The following CDC14A variants were observed in gnomAD, a reference collection of about 807,000 sequenced individuals.
CDC14A encodes cell division cycle 14A.
In CDC14A, 53 loss-of-function variants were observed where a neutral mutation model predicts 74.4. That is an observed-to-expected ratio of 0.71 (90% CI 0.57 to 0.89). The LOEUF (loss-of-function observed/expected upper bound fraction) is 0.89, where lower values mean the gene tolerates loss of function less well. Among genes scored for constraint, CDC14A ranks in the 40% least tolerant of loss-of-function variants. The pLI, the probability that CDC14A is intolerant of heterozygous loss-of-function variation, is 0.00. For missense variants in CDC14A, 646 were observed against 713.7 expected (o/e 0.91, Z 1.08); for synonymous variants, 247 against 258.4 (o/e 0.96, Z 0.43).
chr1:100,391,140 G>A, intron 4 of CDC14A: 2 of 361,082 alleles, frequency 5.5e-6, no homozygotes, highest in Non-Finnish European at 5.3e-6. Flanking sequence ...GTGTGCATGT[G>A]TGTATGTTTA....
intron 4 of CDC14A, chr1:100,393,726 C>A: frequency 4.4e-5 from 16 of 367,700 alleles, no homozygotes; most frequent in Middle Eastern, 9.6e-4. Flanking sequence ...GAGGCTGAGG[C>A]GGGCGGATCA....
chr1:100,352,832 C>A lies in CDC14A; in HGVS notation c.-123C>A. The A allele has an allele frequency of 6.6e-7, 1 of 1,511,178 alleles. No homozygotes were observed. The highest frequency in any genetic ancestry group is 2.5e-5 in the East Asian group (1 of 40,632). 93.6% of individuals were successfully genotyped at this position (1,511,178 alleles called of 1,614,324 possible). A position where few individuals can be genotyped will look rare whatever the true frequency, so the allele number is the denominator to read the frequency against. ...TCCGCCTTCGGCGCCTGCTGCCTCC[C>A]TCGGCCAGGCTTGTTGTTCGGGACT... On this transcript the variant is annotated 5_prime_UTR_variant, in exon 1 of 16. Transcript: ENST00000336454.
At chr1:100,460,174 T>C (rs1395404034) in intron 8 of CDC14A, among the ~76,000 whole-genome samples, 1 of 152,344 alleles carries the variant, frequency 6.6e-6, no homozygotes, top group East Asian at 1.9e-4. Flanking sequence ...ATATAGTAAG[T>C]GCTTGATAAA....
chr1:100,467,590 C>T (rs1667970729), intron 9 of CDC14A, among the ~76,000 whole-genome samples: 1 of 152,008 alleles, frequency 6.6e-6, no homozygotes, highest in African/African-American at 2.4e-5. Flanking sequence ...TGCAGTTGCT[C>T]ACCCTCATCC....
At chr1:100,496,507 C>T (rs956998549) in intron 13 of CDC14A, among the ~76,000 whole-genome samples, 1 of 152,150 alleles carries the variant, frequency 6.6e-6, no homozygotes, top group Non-Finnish European at 1.5e-5. Context: ...TAGTTTTGTT[C>T]TGTGGAAAAA....
chr1:100,513,566 C>T (rs1649961578), intron 15 of CDC14A, among the ~76,000 whole-genome samples: 1 of 152,144 alleles, frequency 6.6e-6, no homozygotes. Flanking sequence ...GACATCGTTA[C>T]ATTCATTTGC....
chr1:100,451,706 T>C (rs1231272396), intron 7 of CDC14A, among the ~76,000 whole-genome samples: 1 of 152,224 alleles, frequency 6.6e-6, no homozygotes, highest in Non-Finnish European at 1.5e-5. Flanking sequence ...TACATACTTT[T>C]AGTATCGCAT....
intron 4 of CDC14A, among the ~76,000 whole-genome samples, chr1:100,416,213 TC>T (rs1381358760): frequency 6.6e-6 from 1 of 152,220 alleles, no homozygotes; most frequent in Non-Finnish European, 1.5e-5. Flanking sequence ...TGTGGTTCAT[TC>T]TTTGCAGGTA....
chr1:100,429,745 T>TTA (rs35770223), intron 5 of CDC14A, among the ~76,000 whole-genome samples: 2 of 144,330 alleles, frequency 1.4e-5, no homozygotes, highest in South Asian at 2.1e-4. Flanking sequence ...TCAAGTATAT[T>TTA]TATATATATA....
chr1:100,495,203 G>C (rs1647601619), intron 12 of CDC14A, among the ~76,000 whole-genome samples: 1 of 152,182 alleles, frequency 6.6e-6, no homozygotes, highest in Non-Finnish European at 1.5e-5. Context: ...ATTCTGTTTG[G>C]ATTTCTCCCC....
chr1:100,431,853 AAAG>A (rs942698565), intron 5 of CDC14A, among the ~76,000 whole-genome samples: 5 of 151,860 alleles, frequency 3.3e-5, no homozygotes, highest in Admixed American at 2.0e-4. Flanking sequence ...AAAAAAAAAA[AAAG>A]AATAGAAAAA....
chr1:100,388,514 T>C (rs1657187062), intron 3 of CDC14A, among the ~76,000 whole-genome samples: 1 of 152,216 alleles, frequency 6.6e-6, no homozygotes, highest in Non-Finnish European at 1.5e-5. Flanking sequence ...CTCTCTTTAT[T>C]TCATAGGAGT....
At chr1:100,391,251 T>C (rs1657663952) in intron 4 of CDC14A, among the ~76,000 whole-genome samples, 1 of 152,236 alleles carries the variant, frequency 6.6e-6, no homozygotes, top group African/African-American at 2.4e-5. Flanking sequence ...GGATTGTTAT[T>C]ATTTTTATCA....
At chr1:100,447,865 C>T (rs1195857063) in intron 7 of CDC14A, among the ~76,000 whole-genome samples, 3 of 152,108 alleles carry the variant, frequency 2.0e-5, no homozygotes, top group Non-Finnish European at 4.4e-5. Flanking sequence ...CAAGATGTTG[C>T]CCAAACACCA....
intron 5 of CDC14A, among the ~76,000 whole-genome samples, chr1:100,436,183 T>C (rs1003230458): frequency 6.6e-6 from 1 of 152,160 alleles, no homozygotes; most frequent in African/African-American, 2.4e-5. Flanking sequence ...TTGAACATCA[T>C]GTGGGGCAGG....
At chr1:100,459,099 A>ATG (rs1667032002) in intron 8 of CDC14A, among the ~76,000 whole-genome samples, 3 of 120,174 alleles carry the variant, frequency 2.5e-5, no homozygotes, top group South Asian at 6.0e-4. Flanking sequence ...ACACACACAC[A>ATG]CGCACACACA....
chr1:100,358,751 G>A (rs58289770), intron 2 of CDC14A, among the ~76,000 whole-genome samples: 9,493 of 152,196 alleles, frequency 0.062, 508 homozygotes, highest in African/African-American at 0.14. Context: ...TTTTGGATAA[G>A]TAATTTATAG....
chr1:100,470,905 A>G (rs1335622986), intron 10 of CDC14A, among the ~76,000 whole-genome samples: 1 of 152,158 alleles, frequency 6.6e-6, no homozygotes, highest in African/African-American at 2.4e-5. Context: ...TAACTCTATG[A>G]CCCAATGATT....
At chr1:100,432,594 C>T (rs1663829269) in intron 5 of CDC14A, among the ~76,000 whole-genome samples, 1 of 152,048 alleles carries the variant, frequency 6.6e-6, no homozygotes, top group South Asian at 2.1e-4. Context: ...TAGTGAGACC[C>T]TGTCTCTCAA....
Sources: gnomAD v4.1 joint callset for allele counts (sites outside exome capture counted in the v4.1 genomes callset) on GRCh38, gnomAD v4.1.1 for gene constraint, MANE v1.5 for transcripts, NCBI Gene and HGNC (gene_info 2026-07-23, HGNC 2026-07-21) for gene names.